The following ATG2B variants were observed in gnomAD, a reference collection of about 807,000 sequenced individuals.
ATG2B encodes autophagy related 2B, also known as autophagy-related protein 2 homolog B.
A neutral mutation model predicts 241.3 loss-of-function variants in ATG2B; 121 were observed. The observed-to-expected ratio is 0.50, with a 90% CI of 0.43 to 0.58. The LOEUF is 0.58. Among genes scored for constraint, ATG2B ranks in the 20% least tolerant of loss-of-function variants. The pLI is 0.00. For missense variants in ATG2B, 2,306 were observed against 2,491.6 expected, an observed-to-expected ratio of 0.93 and a Z score of 1.59; for synonymous variants, 858 against 876.6, an observed-to-expected ratio of 0.98 and a Z score of 0.37.
chr14:96,329,080 C>T (rs904887852), intron 12 of ATG2B, among the ~76,000 whole-genome samples: 6 of 152,284 alleles, frequency 3.9e-5, no homozygotes, highest in African/African-American at 1.4e-4. Flanking sequence ...CACACTTTTA[C>T]ATTAGGAAAA....
At position 96,331,488 on chromosome 14, in the gene ATG2B, C is replaced by T; in HGVS notation, c.1618G>A (p.Ala540Thr). 1 of 1,613,956 alleles carries T rather than the reference C, an allele frequency of 6.2e-7. No homozygotes were observed. The highest frequency in any genetic ancestry group is 8.5e-7 in the Non-Finnish European group (1 of 1,179,944). ...TCTATACAAGTAAAGAAAGCTACTG[C>T]CATAGGTGTCAATGGATTAAGGTTC... The part of the protein sequence containing the change: ...SQNLNPLTPM[A>T]VAFFTCIEKI... Residue 540 changes from alanine to threonine, a missense_variant, in exon 11 of 42, where the codon GCA becomes ACA. Physicochemically the swap from Ala to Thr is moderately conservative, Grantham distance 58. Transcript: ENST00000359933.
intron 37 of ATG2B, 100 bp downstream of exon 37, chr14:96,291,929 C>A: frequency 1.2e-6 from 1 of 841,640 alleles, no homozygotes. Context: ...TCATTTCAAA[C>A]ATATATATAA....
Position 96,331,529 on chromosome 14 carries a change from G to A in ATG2B, c.1577C>T (p.Pro526Leu), listed in dbSNP as rs751305455. ...ATTAAGGTTCTGTGACGTTTCAGGTGGAGATAAAGGATCAATGTGAAGCAC... is the reference window on the plus strand; with the variant it reads ...ATTAAGGTTCTGTGACGTTTCAGGTAGAGATAAAGGATCAATGTGAAGCAC... ...ISVLHIDPLS[P>L]PETSQNLNPL... The change falls in exon 11 of 42, where the codon CCA (proline) becomes CTA (leucine). Residue 526 changes from proline (P) to leucine (L), a missense_variant. Physicochemically the swap from Pro to Leu is moderately conservative, Grantham distance 98. Transcript: ENST00000359933. The A allele has an allele frequency of 6.2e-6, 10 of 1,613,926 alleles. No homozygotes were observed. Among genetic ancestry groups the A allele is most frequent in the Non-Finnish European group, 8.5e-6 (10 of 1,179,986 alleles).
chr14:96,299,150 CCTTAG>C (rs772546737), intron 34 of ATG2B, among the ~76,000 whole-genome samples: 19 of 152,162 alleles, frequency 1.2e-4, no homozygotes, highest in Non-Finnish European at 2.4e-4. Context: ...TACTTATCTT[CCTTAG>C]CAGAATGGTC....
At chr14:96,329,431 AAAGC>A (rs1253524282) in intron 12 of ATG2B, 49 bp downstream of exon 12, 3 of 1,338,576 alleles carry the variant, frequency 2.2e-6, no homozygotes, top group Non-Finnish European at 3.1e-6. Flanking sequence ...CAATCATTAA[AAAGC>A]AAGGTAGATT....
rs750930914 is a variant in ATG2B, at chr14:96,304,616, A to C, written c.4734-13T>G. ...ACTGTGGGGACTACTAAAAATGAGC[A>C]AAAAAAAAAAAAACCCTTTTGTTAA... On this transcript the variant is annotated splice_polypyrimidine_tract_variant and intron_variant, in intron 31 of 41. Coordinates refer to ENST00000359933, the MANE Select transcript of ATG2B (RefSeq NM_018036.7). 1 of 399,510 alleles carries C rather than the reference A, an allele frequency of 2.5e-6. No homozygotes were observed. The highest frequency in any genetic ancestry group is 4.5e-5 in the African/African-American group (1 of 22,262). The allele number at this position is 399,510 out of a possible 1,614,324, so 24.7% of individuals were successfully genotyped here. A position where few individuals can be genotyped will look rare whatever the true frequency, so the allele number is the denominator to read the frequency against.
At chr14:96,321,622 C>T (rs2139869670) in intron 18 of ATG2B, among the ~76,000 whole-genome samples, 1 of 152,220 alleles carries the variant, frequency 6.6e-6, no homozygotes, top group South Asian at 2.1e-4. Context: ...ATCAAAATAC[C>T]TGCCTGGCAT....
intron 17 of ATG2B, 82 bp downstream of exon 17, chr14:96,322,454 ATTTT>A (rs1428950142): frequency 7.0e-7 from 1 of 1,418,864 alleles, no homozygotes; most frequent in African/African-American, 1.5e-5. Flanking sequence ...TACACAAGGC[ATTTT>A]TTTAAAAATA....
chr14:96,358,670 A>T (rs1410404195), intron 1 of ATG2B, among the ~76,000 whole-genome samples: 1 of 152,192 alleles, frequency 6.6e-6, no homozygotes, highest in Non-Finnish European at 1.5e-5. Context: ...ACTATAGTAT[A>T]TGAGTAGTAA....
chr14:96,318,121 C>A, intron 18 of ATG2B: 1 of 278,618 alleles, frequency 3.6e-6, no homozygotes, highest in Non-Finnish European at 6.7e-6. Context: ...CTAATTTTAC[C>A]TATGTTATAT....
chr14:96,316,444 C>G, intron 21 of ATG2B, 89 bp downstream of exon 21: 1 of 1,319,706 alleles, frequency 7.6e-7, no homozygotes, highest in Non-Finnish European at 1.0e-6. Flanking sequence ...TTTCTAATAC[C>G]AAAGTTCTGT....
Position 96,311,111 on chromosome 14 carries a change from C to T in ATG2B, c.4161+6G>A. ...GGGACTGGAGGAATCACATTGCTGACTGTACCTTAGACCTTCTTTGAAAGG... is the reference window on the plus strand; with the variant it reads ...GGGACTGGAGGAATCACATTGCTGATTGTACCTTAGACCTTCTTTGAAAGG... On this transcript the variant is annotated splice_donor_region_variant and intron_variant, in intron 28 of 41. Coordinates refer to ENST00000359933, the MANE Select transcript of ATG2B (RefSeq NM_018036.7). 6.2e-7 allele frequency: 1 copy of T among 1,603,896 alleles called. No individual in the cohort carries two copies. Among genetic ancestry groups the T allele is most frequent in the South Asian group, 1.1e-5 (1 of 89,862 alleles).
chr14:96,298,395 CT>C (rs1184465311), intron 34 of ATG2B, among the ~76,000 whole-genome samples: 2 of 152,186 alleles, frequency 1.3e-5, no homozygotes, highest in Non-Finnish European at 2.9e-5. Flanking sequence ...ATATACTTAT[CT>C]TATGACCCAG....
rs780818752 is a variant in ATG2B at position 96,331,415 on chromosome 14, C to T, written c.1691G>A (p.Arg564Gln). 24 of 1,613,842 alleles carry T rather than the reference C, an allele frequency of 1.5e-5. No homozygotes were observed. Among genetic ancestry groups the T allele is most frequent in the South Asian group, 1.2e-4 (11 of 91,064 alleles). The change falls in exon 11 of 42, where the codon CGA (arginine) becomes CAA (glutamine). Residue 564 changes from arginine to glutamine, a missense_variant. Physicochemically the swap from Arg to Gln is conservative, Grantham distance 43 (BLOSUM62 1). Around this residue, in one of 2 missense-constraint regions of ATG2B, gnomAD observed 1,927 missense variants for 2,011.2 expected, o/e 0.96. Transcript: ENST00000359933. ...TGAGCAAGCTTCTGCAAACACTGCT[C>T]GGAAAGACTTAAAATCTTCTGTTGA... ...RFSTEDFKSF[R>Q]AVFAEACSHD...
At chr14:96,352,523 G>A (rs1888354110) in intron 1 of ATG2B, among the ~76,000 whole-genome samples, 1 of 151,974 alleles carries the variant, frequency 6.6e-6, no homozygotes, top group African/African-American at 2.4e-5. Flanking sequence ...AGATGTGGAG[G>A]TAGAAGGTGG....
chr14:96,310,865 TAAC>T (rs1253005141), intron 28 of ATG2B, among the ~76,000 whole-genome samples: 5 of 150,808 alleles, frequency 3.3e-5, no homozygotes, highest in African/African-American at 1.2e-4. Context: ...CAGATGAAAA[TAAC>T]AAGTCTAGAA....
intron 34 of ATG2B, among the ~76,000 whole-genome samples, chr14:96,301,203 T>C (rs1236383405): frequency 6.6e-6 from 1 of 152,228 alleles, no homozygotes; most frequent in Non-Finnish European, 1.5e-5. Flanking sequence ...TTATTTAATC[T>C]TCATTTTAAA....
intron 25 of ATG2B, 45 bp from the exon 26 acceptor site, chr14:96,312,204 G>C (rs1322486489): frequency 2.9e-6 from 4 of 1,374,938 alleles, no homozygotes; most frequent in Non-Finnish European, 4.1e-6. Context: ...ACTAAGCTTT[G>C]AGTATCATAC....
chr14:96,289,702 ACTGG>A lies in ATG2B; in HGVS notation c.5956_5959del (p.Pro1986Ter). On this transcript the variant is annotated frameshift_variant, in exon 41 of 42. Transcript: ENST00000359933. LOFTEE classifies it high-confidence loss of function. The surrounding 1 kb of genome is among the most constrained non-coding windows in gnomAD (Gnocchi z 4.3). ...CTTGGCCACACCTTCCCTCAGGTCT[ACTGG>A]CTGGTGGGCTAACCGGTGATGAGGA... 1 of 1,614,186 alleles carries A rather than the reference ACTGG, an allele frequency of 6.2e-7. No homozygotes were observed. The highest frequency in any genetic ancestry group is 8.5e-7 in the Non-Finnish European group (1 of 1,180,024).
Sources: gnomAD v4.1 joint callset for allele counts (sites outside exome capture counted in the v4.1 genomes callset) on GRCh38, gnomAD v4.1.1 for gene constraint, gnomAD v4.1.1 regional missense constraint, Gnocchi (gnomAD v3.1) non-coding constraint, MANE v1.5 for transcripts, NCBI Gene and HGNC (gene_info 2026-07-23, HGNC 2026-07-21) for gene names.